The following STAG2 variants were observed in gnomAD, a reference collection of about 807,000 sequenced individuals.
STAG2 encodes the protein STAG2 cohesin complex component.
A neutral mutation model predicts 108.1 loss-of-function variants in STAG2; 14 were observed. The ratio of observed to expected loss-of-function variants is 0.13; its 90% confidence interval spans 0.09 to 0.20. The LOEUF is 0.20. Ranked by LOEUF, STAG2 falls within the 10% of genes least tolerant of loss-of-function variation. The pLI is 1.00. For missense variants in STAG2, 440 were observed against 940.9 expected, an observed-to-expected ratio of 0.47 and a Z score of 6.96; for synonymous variants, 307 against 302.7, an observed-to-expected ratio of 1.01 and a Z score of -0.15.
chrX:123,986,144 GTATATATGA>G (rs895508567), intron 1 of STAG2, among the ~76,000 whole-genome samples: 1 of 104,619 alleles, frequency 9.6e-6, no homozygotes. Context: ...TATCATATAT[GTATATATGA>G]TATATATGAT....
intron 3 of STAG2, among the ~76,000 whole-genome samples, chrX:124,023,242 A>G (rs757345729): frequency 8.9e-6 from 1 of 111,943 alleles, no homozygotes; most frequent in East Asian, 2.8e-4. Context: ...ACTAAGGTAC[A>G]GTTTCATGAG....
intron 5 of STAG2, 131 bp downstream of exon 5, chrX:124,031,256 A>G (rs1035517719): frequency 3.1e-6 from 2 of 635,928 alleles, no homozygotes; most frequent in African/African-American, 4.6e-5. Context: ...CAACAAAATC[A>G]TCAGAAAACT....
chrX:124,076,345 G>A lies in STAG2; in HGVS notation c.2547G>A (p.Glu849=). ...CTTTTTCTCCAGATGGTCAGCAAGA[G>A]GATGAAGCCAGTAAAATTGAAGCTC... ...DDNNSADGQQ[E]DEASKIEALH... The change falls in exon 26 of 35, where the codon GAG becomes GAA. Residue 849 remains glutamate, a synonymous_variant. Coordinates refer to ENST00000371145, the MANE Select transcript of STAG2 (RefSeq NM_001042750.2). The A allele has an allele frequency of 8.3e-7, 1 of 1,209,069 alleles. No homozygotes were observed. Among genetic ancestry groups the A allele is most frequent in the Non-Finnish European group, 1.1e-6 (1 of 894,285 alleles).
intron 8 of STAG2, 96 bp downstream of exon 8, chrX:124,045,464 AT>A: frequency 1.3e-6 from 1 of 797,838 alleles, no homozygotes; most frequent in Non-Finnish European, 1.8e-6. Flanking sequence ...ATACAAATTA[AT>A]TTTATTTATA....
intron 1 of STAG2, among the ~76,000 whole-genome samples, chrX:123,967,478 C>T (rs1460744002): frequency 9.1e-6 from 1 of 109,484 alleles, no homozygotes; most frequent in Non-Finnish European, 1.9e-5. Context: ...GTTGGTCAGG[C>T]TGGTCTCGAA....
Position 124,071,376 on chromosome X carries a change from TTAAG to T in STAG2, c.2533+57_2533+60del, listed in dbSNP as rs749507616. On this transcript the variant is annotated intron_variant, in intron 25 of 34. Coordinates refer to ENST00000371145, the MANE Select transcript of STAG2 (RefSeq NM_001042750.2). ...ATCTGTGTCCACCATAAAATCAAAC[TTAAG>T]TAACAATGATGTACATCGGTGCACT... 40 of 996,953 alleles carry T rather than the reference TTAAG, an allele frequency of 4.0e-5. No homozygotes were observed. In the Middle Eastern group the frequency reaches 8.1e-4, roughly 20 times the overall value. 82.2% of individuals were successfully genotyped at this position (996,953 alleles called of 1,213,427 possible). A position where few individuals can be genotyped will look rare whatever the true frequency, so the allele number is the denominator to read the frequency against.
intron 20 of STAG2, among the ~76,000 whole-genome samples, chrX:124,065,562 T>G (rs943087327): frequency 1.8e-5 from 2 of 111,903 alleles, no homozygotes; most frequent in Non-Finnish European, 3.8e-5. Context: ...GTCATTTAAG[T>G]ATTTTATTGT....
intron 1 of STAG2, among the ~76,000 whole-genome samples, chrX:123,996,054 G>A (rs1177044166): frequency 8.9e-6 from 1 of 112,303 alleles, no homozygotes; most frequent in East Asian, 2.8e-4. Context: ...CACTGTTGGT[G>A]ACTGTATAGA....
intron 1 of STAG2, among the ~76,000 whole-genome samples, chrX:123,987,279 C>T (rs2055237206): frequency 9.1e-6 from 1 of 110,473 alleles, no homozygotes; most frequent in African/African-American, 3.3e-5. Flanking sequence ...CGTGAGCCAC[C>T]GTGGTGTCGC....
intron 1 of STAG2, among the ~76,000 whole-genome samples, chrX:123,984,763 G>A (rs2055085127): frequency 9.1e-6 from 1 of 110,475 alleles, no homozygotes; most frequent in South Asian, 3.8e-4. Flanking sequence ...TCAGCCTACG[G>A]AGTAGTTGGG....
chrX:124,073,338 T>G (rs2058721141), intron 25 of STAG2, among the ~76,000 whole-genome samples: 1 of 111,204 alleles, frequency 9.0e-6, no homozygotes, highest in South Asian at 3.8e-4. Flanking sequence ...TGAATTAGAG[T>G]AAGCTTGCCA....
chrX:124,047,785 C>T (rs994933294), intron 9 of STAG2, among the ~76,000 whole-genome samples: 3 of 111,487 alleles, frequency 2.7e-5, no homozygotes, highest in African/African-American at 6.5e-5. Flanking sequence ...TTCATCTCTA[C>T]GGTGAAAAAC....
In STAG2 at chrX:124,016,932, A is replaced by G. The variant is rs778596922; in HGVS notation, c.-162-4435A>G. On this transcript the variant is annotated intron_variant, in intron 1 of 34. Coordinates refer to ENST00000371145, the MANE Select transcript of STAG2 (RefSeq NM_001042750.2). ...GGTGGCATTTTAGAAGGGTGTATACATTTCCTGGATGTGATCCTTACATAT... is the reference window on the plus strand; with the variant it reads ...GGTGGCATTTTAGAAGGGTGTATACGTTTCCTGGATGTGATCCTTACATAT... Among the ~76,000 whole-genome samples, 6 of 111,585 alleles carry G rather than the reference A, an allele frequency of 5.4e-5. No individual in the cohort carries two copies. The East Asian group carries it at 1.4e-3, about 26-fold the overall frequency.
chrX:123,974,229 CTTTT>C (rs1245601505), intron 1 of STAG2, among the ~76,000 whole-genome samples: 1 of 100,976 alleles, frequency 9.9e-6, no homozygotes, highest in Non-Finnish European at 2.1e-5. Context: ...CTTTTCTTTT[CTTTT>C]TTCTTTTTTT....
intron 11 of STAG2, 35 bp downstream of exon 11, chrX:124,050,344 C>T: frequency 8.5e-7 from 1 of 1,173,647 alleles, no homozygotes; most frequent in Non-Finnish European, 1.1e-6. Context: ...TCTTTCTACA[C>T]ATCGGCGTGG....
At chrX:124,090,342 T>C (rs2059226989) in intron 30 of STAG2, among the ~76,000 whole-genome samples, 1 of 109,037 alleles carries the variant, frequency 9.2e-6, no homozygotes, top group Admixed American at 9.9e-5. Context: ...ATTCCCCTTA[T>C]ACTTCCCTCT....
intron 5 of STAG2, among the ~76,000 whole-genome samples, chrX:124,031,348 T>C (rs1008716883): frequency 1.8e-5 from 2 of 110,446 alleles, no homozygotes; most frequent in African/African-American, 6.6e-5. Flanking sequence ...TCTTTTTTCT[T>C]ATTTATTTTA....
At chrX:124,015,060 C>G (rs1262300027) in intron 1 of STAG2, among the ~76,000 whole-genome samples, 1 of 85,320 alleles carries the variant, frequency 1.2e-5, no homozygotes, top group Non-Finnish European at 2.1e-5. Flanking sequence ...GATCTTGGCT[C>G]ACTGCAAGCT....
chrX:124,064,448 T>G (rs1234400651), intron 20 of STAG2, among the ~76,000 whole-genome samples: 2 of 108,622 alleles, frequency 1.8e-5, no homozygotes, highest in Non-Finnish European at 3.8e-5. Flanking sequence ...CATTATGTTT[T>G]TTTTTTTTTT....
Sources: gnomAD v4.1 joint callset for allele counts (sites outside exome capture counted in the v4.1 genomes callset) on GRCh38, gnomAD v4.1.1 for gene constraint, MANE v1.5 for transcripts, NCBI Gene and HGNC (gene_info 2026-07-23, HGNC 2026-07-21) for gene names.